The following BCAN variants were observed in gnomAD, a reference collection of about 807,000 sequenced individuals.
BCAN encodes the protein brevican, also known as brevican core protein.
BCAN carries 51 observed loss-of-function variants against 92.4 expected under a neutral mutation model. The ratio of observed to expected loss-of-function variants is 0.55; its 90% CI spans 0.44 to 0.70. BCAN has a LOEUF of 0.70. Ranked by LOEUF, BCAN falls within the 30% of genes least tolerant of loss-of-function variation. BCAN has a pLI of 0.00. For missense variants in BCAN, 1,140 were observed against 1,212.1 expected (o/e 0.94, Z 0.88); for synonymous variants, 501 against 505.2 (o/e 0.99, Z 0.11).
At position 156,652,317 on chromosome 1, in the gene BCAN, A is replaced by C. The variant is rs1038040706; in HGVS notation, c.1367A>C (p.Glu456Ala). 1 of 1,613,904 alleles carries C rather than the reference A, an allele frequency of 6.2e-7. No individual in the cohort carries two copies. Among genetic ancestry groups the C allele is most frequent in the Non-Finnish European group, 8.5e-7 (1 of 1,179,862 alleles). The change falls in exon 8 of 14, where the codon GAA becomes GCA. Residue 456 changes from glutamate to alanine, a missense_variant. Coordinates refer to ENST00000329117, the MANE Select transcript of BCAN (RefSeq NM_021948.5). The stretch of plus-strand genomic sequence containing the variant: ...GAGGAAGGTAAGGCATTGGAGGAAG[A>C]AGAGAAATATGAAGATGAAGAAGAG... ...SEEEGKALEEEEKYEDEEEKE... is the reference protein window; with the variant it reads ...SEEEGKALEEAEKYEDEEEKE...
Position 156,647,773 on chromosome 1 carries a change from G to A in BCAN, c.641+91G>A, listed in dbSNP as rs1679033744. ...GGGTGCTGCCTGCTGTGTCAGGCTG[G>A]ACATGCAGGGCTTTTTGCCTCTGGG... On this transcript the variant is annotated intron_variant, in intron 4 of 13. Coordinates refer to ENST00000329117, the MANE Select transcript of BCAN (RefSeq NM_021948.5). The surrounding 1 kb of genome is among the most constrained non-coding windows in gnomAD (Gnocchi z 4.8). The A allele has an allele frequency of 7.1e-6, 11 of 1,551,074 alleles. No individual in the cohort carries two copies. In the South Asian group the frequency reaches 1.3e-4, roughly 18 times the overall value.
At chr1:156,648,218 G>A in intron 5 of BCAN, 108 bp downstream of exon 5, 1 of 1,436,288 alleles carries the variant, frequency 7.0e-7, no homozygotes, top group South Asian at 1.3e-5. Flanking sequence ...AGTTTAAGGG[G>A]GCAAGCAGGA....
rs1019477609 is a variant in BCAN, at chr1:156,659,219, G to A, written c.*85G>A. The A allele has an allele frequency of 1.9e-6, 2 of 1,061,200 alleles. No individual in the cohort carries two copies. Among genetic ancestry groups the A allele is most frequent in the African/African-American group, 1.6e-5 (1 of 62,092 alleles). The allele number at this position is 1,061,200 out of a possible 1,614,324, so 65.7% of individuals were successfully genotyped here. ...ACACCCTGCGCTCCCGCCACCACAG[G>A]AAGTGACAACATGACGAGGGGTGGT... On this transcript the variant is annotated 3_prime_UTR_variant, in exon 14 of 14. Transcript: ENST00000329117.
Position 156,653,227 on chromosome 1 carries a change from T to G in BCAN, c.1942+335T>G, listed in dbSNP as rs1440608159. The G allele has an allele frequency of 6.3e-6, 8 of 1,273,442 alleles. 1 individual carries two copies. The East Asian group carries it at 9.5e-5, about 15-fold the overall frequency. 78.9% of individuals were successfully genotyped at this position (1,273,442 alleles called of 1,614,324 possible). A position where few individuals can be genotyped will look rare whatever the true frequency, so the allele number is the denominator to read the frequency against. ...CTCTCCAAGGGTCCTCATCACCTAT[T>G]GCAGCCTTCAGGGCTCGGCCTATTT... On this transcript the variant is annotated intron_variant, in intron 8 of 13. Transcript: ENST00000329117.
chr1:156,653,038 C>T (rs1190140295), intron 8 of BCAN, 146 bp downstream of exon 8: 1 of 1,502,034 alleles, frequency 6.7e-7, no homozygotes, highest in South Asian at 1.3e-5. Context: ...CCCACCTCTA[C>T]CTATGGGTCT....
At position 156,647,799 on chromosome 1, in the gene BCAN, G is replaced by T; in HGVS notation, c.641+117G>T. On this transcript the variant is annotated intron_variant, in intron 4 of 13. Coordinates refer to ENST00000329117, the MANE Select transcript of BCAN (RefSeq NM_021948.5). The surrounding 1 kb of genome is among the most constrained non-coding windows in gnomAD (Gnocchi z 4.8). ...ACATGCAGGGCTTTTTGCCTCTGGG[G>T]GATGAGGCTGGTCTGAGGAGGGGAG... The T allele has an allele frequency of 6.5e-7, 1 of 1,533,784 alleles. No homozygotes were observed. The highest frequency in any genetic ancestry group is 8.9e-7 in the Non-Finnish European group (1 of 1,117,772).
chr1:156,654,264 C>T (rs1175467824), intron 8 of BCAN, among the ~76,000 whole-genome samples: 1 of 152,170 alleles, frequency 6.6e-6, no homozygotes, highest in East Asian at 1.9e-4. Context: ...CTGGGATTCC[C>T]TTAGCCCTAG....
rs1679435680 is a variant in BCAN at position 156,659,021 on chromosome 1, C to T, written c.2629-6C>T. On this transcript the variant is annotated splice_region_variant and splice_polypyrimidine_tract_variant and intron_variant, in intron 13 of 13. Transcript: ENST00000329117. ...AGGGTGGAGGGTGAGTGTGTGTCTTCCCCAGGCCCGAGCTCTGCACCCAGA... is the reference window on the plus strand; with the variant it reads ...AGGGTGGAGGGTGAGTGTGTGTCTTTCCCAGGCCCGAGCTCTGCACCCAGA... 5.0e-6 allele frequency: 8 copies of T among 1,590,316 alleles called. No homozygotes were observed. The highest frequency in any genetic ancestry group is 3.4e-6 in the Non-Finnish European group (4 of 1,169,964).
chr1:156,648,737 C>T lies in BCAN; in HGVS notation c.939C>T (p.Tyr313=). ...PGWLADGSVR[Y]PIVTPSQRCG... ...GGCTAGCTGATGGCAGTGTGCGCTACCCCATCGTCACACCCAGCCAGCGCT... is the reference window on the plus strand; with the variant it reads ...GGCTAGCTGATGGCAGTGTGCGCTATCCCATCGTCACACCCAGCCAGCGCT... The change falls in exon 6 of 14, where the codon TAC becomes TAT. Residue 313 remains tyrosine, a synonymous_variant. Transcript: ENST00000329117. 6.2e-7 allele frequency: 1 copy of T among 1,613,152 alleles called. No individual in the cohort carries two copies. Among genetic ancestry groups the T allele is most frequent in the South Asian group, 1.1e-5 (1 of 91,052 alleles).
chr1:156,648,565 CAGG>C lies in BCAN; in HGVS notation c.770_772del (p.Gly257del). The stretch of plus-strand genomic sequence containing the variant: ...ATAACCCAGCCTTCTCTTCTCCACC[CAGG>C]AGAACTGTTCCTGGGTGACCCTCCA... On this transcript the variant is annotated splice_acceptor_variant and coding_sequence_variant, in exon 6 of 14. Transcript: ENST00000329117. LOFTEE classifies it high-confidence loss of function. 1 of 1,580,800 alleles carries C rather than the reference CAGG, an allele frequency of 6.3e-7. No individual in the cohort carries two copies. The highest frequency in any genetic ancestry group is 1.7e-5 in the Admixed American group (1 of 59,216).
Position 156,658,251 on chromosome 1 carries a change from ACAC to A in BCAN, c.2419_2421del (p.Thr807del). ...GTGCCCTGCAACTACCACCTGTCCT[ACAC>A]CTGCAAGATGGGGCTGGGTGAGGGC... On this transcript the variant is annotated inframe_deletion, in exon 12 of 14. Coordinates refer to ENST00000329117, the MANE Select transcript of BCAN (RefSeq NM_021948.5). This position sits in a 1 kb window ranked among gnomAD's most constrained non-coding sequence, Gnocchi z 4.4. 1 of 1,614,062 alleles carries A rather than the reference ACAC, an allele frequency of 6.2e-7. No individual in the cohort carries two copies. Among genetic ancestry groups the A allele is most frequent in the East Asian group, 2.2e-5 (1 of 44,868 alleles).
chr1:156,645,987 CA>C, intron 1 of BCAN, 59 bp from the exon 2 acceptor site: 1 of 1,438,828 alleles, frequency 7.0e-7, no homozygotes. Flanking sequence ...TGGTAGGGAG[CA>C]GGGGGGAAGT....
rs1480927356 is a variant in BCAN, at chr1:156,647,084, C to G, written c.375C>G (p.Ser125Arg). 1 of 1,608,866 alleles carries G rather than the reference C, an allele frequency of 6.2e-7. No individual in the cohort carries two copies. Among genetic ancestry groups the G allele is most frequent in the Admixed American group, 1.7e-5 (1 of 59,868 alleles). The change falls in exon 3 of 14, where the codon AGC becomes AGG. Residue 125 changes from serine (S) to arginine (R), a missense_variant. This residue lies in a region of BCAN where 286 missense variants were observed against 284.1 expected (regional missense o/e 1.01). Transcript: ENST00000329117. The surrounding 1 kb of genome is among the most constrained non-coding windows in gnomAD (Gnocchi z 4.8). ...ASLTDVSLAL[S>R]ELRPNDSGIY... is the part of the protein sequence containing the mutation. Reference sequence around the variant, plus strand: ...TCACCGACGTCTCCCTGGCGCTGAGCGAGCTGCGCCCCAACGACTCAGGTA... The same window carrying G: ...TCACCGACGTCTCCCTGGCGCTGAGGGAGCTGCGCCCCAACGACTCAGGTA...
At chr1:156,657,371 A>G (rs924703472) in intron 10 of BCAN, 5 of 555,890 alleles carry the variant, frequency 9.0e-6, no homozygotes, top group East Asian at 3.1e-5. Flanking sequence ...AATCCCTCCA[A>G]CCTCCCTGCT....
chr1:156,654,093 C>A (rs1020855698), intron 8 of BCAN, among the ~76,000 whole-genome samples: 20 of 152,320 alleles, frequency 1.3e-4, no homozygotes, highest in African/African-American at 4.3e-4. Flanking sequence ...TGGCTTCACC[C>A]TCCCCAGACC....
chr1:156,646,387 TGAAGCTAGGAG>T, intron 2 of BCAN: 1 of 509,874 alleles, frequency 2.0e-6, no homozygotes. Flanking sequence ...TAGGGGATCC[TGAAGCTAGGAG>T]GTGGGAAAGG....
Position 156,658,571 on chromosome 1 carries a change from C to A in BCAN, c.2466C>A (p.Pro822=). 1 of 1,613,956 alleles carries A rather than the reference C, an allele frequency of 6.2e-7. No homozygotes were observed. The highest frequency in any genetic ancestry group is 8.5e-7 in the Non-Finnish European group (1 of 1,180,024). The change falls in exon 13 of 14, where the codon CCC becomes CCA. Residue 822 remains proline, a synonymous_variant. Transcript: ENST00000329117. The surrounding 1 kb of genome is among the most constrained non-coding windows in gnomAD (Gnocchi z 4.4). ...LVSCGPPPEL[P]LAQVFGRPRL... is the part of the protein sequence containing the mutation. ...CCTGTGGGCCGCCACCGGAGCTGCC[C>A]CTGGCTCAAGTGTTCGGCCGCCCAC...
In BCAN at chr1:156,656,967, G is replaced by A. The variant is rs780920719; in HGVS notation, c.2080G>A (p.Ala694Thr). Residue 694 changes from alanine to threonine, a missense_variant, in exon 10 of 14, where the codon GCC becomes ACC. Around this residue, in one of 3 missense-constraint regions of BCAN, gnomAD observed 825 missense variants for 871.8 expected, o/e 0.95. Coordinates refer to ENST00000329117, the MANE Select transcript of BCAN (RefSeq NM_021948.5). ...CCGCTTCTGCAACCCCGGCTGGGACGCCTTCCAGGGCGCCTGCTACAAGCA... is the reference window on the plus strand; with the variant it reads ...CCGCTTCTGCAACCCCGGCTGGGACACCTTCCAGGGCGCCTGCTACAAGCA... ...GLRFCNPGWD[A>T]FQGACYKHFS... 6.2e-7 allele frequency: 1 copy of A among 1,613,998 alleles called. No homozygotes were observed. The highest frequency in any genetic ancestry group is 8.5e-7 in the Non-Finnish European group (1 of 1,179,880).
In BCAN at chr1:156,647,379, TCC is replaced by T. The variant is rs1557986657; in HGVS notation, c.467-127_467-126del. The T allele has an allele frequency of 1.7e-6, 2 of 1,143,248 alleles. No homozygotes were observed. Among genetic ancestry groups the T allele is most frequent in the Non-Finnish European group, 2.4e-6 (2 of 817,400 alleles). 70.8% of individuals were successfully genotyped at this position (1,143,248 alleles called of 1,614,324 possible). A position where few individuals can be genotyped will look rare whatever the true frequency, so the allele number is the denominator to read the frequency against. On this transcript the variant is annotated intron_variant, in intron 3 of 13. Transcript: ENST00000329117. The surrounding 1 kb of genome is among the most constrained non-coding windows in gnomAD (Gnocchi z 4.8). Reference sequence around the variant, plus strand: ...CATTCTACCCACAATCTAACTTAAGTCCCTCATGCTGTAGAGTGAGCACAATT... The same window carrying T: ...CATTCTACCCACAATCTAACTTAAGTCTCATGCTGTAGAGTGAGCACAATT...
Sources: allele counts gnomAD v4.1 joint callset (sites outside exome capture counted in the v4.1 genomes callset), GRCh38; gene constraint gnomAD v4.1.1; regional missense constraint gnomAD v4.1.1; non-coding constraint Gnocchi (gnomAD v3.1); transcripts MANE v1.5; gene names NCBI Gene and HGNC (gene_info 2026-07-23, HGNC 2026-07-21).